CALN1: variants seen among roughly 807,000 people sequenced by gnomAD.
CALN1 encodes calcium-binding protein 8.
CALN1 carries 17 observed loss-of-function variants against 30.6 expected under a neutral mutation model. The ratio of observed to expected loss-of-function variants is 0.56; its 90% CI spans 0.38 to 0.83. The LOEUF (loss-of-function observed/expected upper bound fraction) is 0.83. Ranked by LOEUF, CALN1 falls within the 40% of genes least tolerant of loss-of-function variation. The probability of loss-of-function intolerance (pLI) is 0.00; values close to 1 mark genes in which losing one functional copy is unlikely to be tolerated. For missense variants in CALN1, 291 were observed against 354.9 expected (o/e 0.82, Z 1.45); for synonymous variants, 156 against 131.4 (o/e 1.19, Z -1.28).
chr7:72,234,061 CAA>C (rs1234375668), intron 3 of CALN1, among the ~76,000 whole-genome samples: 6 of 151,838 alleles, frequency 4.0e-5, no homozygotes, highest in African/African-American at 4.8e-5. Flanking sequence ...AAAAGAGAAA[CAA>C]AGAGGAAACA....
the CALN1 span, among the ~76,000 whole-genome samples, chr7:72,487,681 GA>G: frequency 1.7e-5 from 2 of 116,412 alleles, no homozygotes; most frequent in Non-Finnish European, 3.4e-5. Flanking sequence ...GTGAAAGAAA[GA>G]AAGGAAAGAA....
intron 2 of CALN1, among the ~76,000 whole-genome samples, chr7:72,309,452 T>C (rs1056655692): frequency 6.6e-6 from 1 of 152,004 alleles, no homozygotes; most frequent in Non-Finnish European, 1.5e-5. Context: ...CAAGGTCCTG[T>C]GGCCTGGAAA....
chr7:72,445,057 A>C (rs904474421), intron 1 of CALN1, among the ~76,000 whole-genome samples: 1 of 138,852 alleles, frequency 7.2e-6, no homozygotes, highest in Non-Finnish European at 1.5e-5. Context: ...CAGTGAATTA[A>C]ACACACACAC....
At chr7:72,358,190 A>G (rs1190017179) in intron 2 of CALN1, among the ~76,000 whole-genome samples, 8 of 151,924 alleles carry the variant, frequency 5.3e-5, no homozygotes, top group African/African-American at 1.9e-4. Context: ...ACAGTGTCTC[A>G]CTATGTTGCC....
intron 3 of CALN1, among the ~76,000 whole-genome samples, chr7:72,269,679 GCCA>G (rs1796842646): frequency 1.3e-5 from 2 of 152,188 alleles, no homozygotes; most frequent in Non-Finnish European, 2.9e-5. Flanking sequence ...AAGGTGGTCA[GCCA>G]GTAATTGAAT....
chr7:72,460,004 G>A, the CALN1 span, among the ~76,000 whole-genome samples: 5 of 152,182 alleles, frequency 3.3e-5, no homozygotes, highest in African/African-American at 1.2e-4. Context: ...GTCTGCATCT[G>A]GGAAAGCTTC....
At chr7:72,092,278 T>C (rs182631804) in intron 4 of CALN1, among the ~76,000 whole-genome samples, 25 of 152,326 alleles carry the variant, frequency 1.6e-4, no homozygotes, top group Admixed American at 1.4e-3. Flanking sequence ...TTCTCGTTTA[T>C]TGTATTGTAG....
At chr7:72,447,423 C>T (rs1808562816), upstream of CALN1, among the ~76,000 whole-genome samples, 1 of 152,234 alleles carries the variant, frequency 6.6e-6, no homozygotes. Flanking sequence ...GGCTGTGGAC[C>T]CACGCACTGC....
At chr7:72,495,145 C>T in the CALN1 span, among the ~76,000 whole-genome samples, 4 of 152,154 alleles carry the variant, frequency 2.6e-5, no homozygotes, top group South Asian at 2.1e-4. Flanking sequence ...CTGACCATTG[C>T]GTGATGATTC....
intron 2 of CALN1, among the ~76,000 whole-genome samples, chr7:72,310,009 G>C (rs2129556298): frequency 6.6e-6 from 1 of 152,182 alleles, no homozygotes; most frequent in African/African-American, 2.4e-5. Flanking sequence ...GCATCCCCCA[G>C]GGATGCCCCC....
chr7:72,114,362 G>C (rs1807816918), intron 3 of CALN1, among the ~76,000 whole-genome samples: 1 of 149,664 alleles, frequency 6.7e-6, no homozygotes, highest in South Asian at 2.2e-4. Context: ...ATTCAGGAGG[G>C]ACTGCAGGCT....
the CALN1 span, among the ~76,000 whole-genome samples, chr7:72,495,602 C>T: frequency 6.6e-6 from 1 of 152,134 alleles, no homozygotes; most frequent in Non-Finnish European, 1.5e-5. Context: ...CAAAGAAAAC[C>T]CCTCTCTGTT....
chr7:72,456,797 G>A, the CALN1 span, among the ~76,000 whole-genome samples: 2 of 151,986 alleles, frequency 1.3e-5, no homozygotes, highest in African/African-American at 4.8e-5. Flanking sequence ...AGTGAGTCAT[G>A]ACTGTTCCAC....
At chr7:72,396,573 T>G (rs140170606) in intron 2 of CALN1, among the ~76,000 whole-genome samples, 1 of 152,062 alleles carries the variant, frequency 6.6e-6, no homozygotes, top group African/African-American at 2.4e-5. Context: ...GGAAGAGATA[T>G]CTGAGCACAT....
At chr7:71,942,933 C>A (rs1477321363) in intron 5 of CALN1, among the ~76,000 whole-genome samples, 1 of 152,104 alleles carries the variant, frequency 6.6e-6, no homozygotes, top group Non-Finnish European at 1.5e-5. Flanking sequence ...AGAATGTAAC[C>A]GTTTGTGTAT....
intron 5 of CALN1, among the ~76,000 whole-genome samples, chr7:71,967,997 T>A (rs964554973): frequency 2.0e-5 from 3 of 152,208 alleles, no homozygotes; most frequent in Non-Finnish European, 2.9e-5. Flanking sequence ...AAGTTAAACA[T>A]ACATTTCTCA....
chr7:72,010,130 C>G (rs1197908529), intron 5 of CALN1, among the ~76,000 whole-genome samples: 1 of 152,138 alleles, frequency 6.6e-6, no homozygotes, highest in East Asian at 1.9e-4. Flanking sequence ...TGACTGCTGT[C>G]TGTGTTTTCC....
intron 5 of CALN1, among the ~76,000 whole-genome samples, chr7:72,015,886 C>G (rs1338383890): frequency 6.6e-6 from 1 of 152,130 alleles, no homozygotes; most frequent in East Asian, 1.9e-4. Flanking sequence ...TGAAGGCTTG[C>G]TGTCAGTCTA....
chr7:72,308,510 A>G (rs1462399337), intron 2 of CALN1, among the ~76,000 whole-genome samples: 1 of 152,182 alleles, frequency 6.6e-6, no homozygotes, highest in Non-Finnish European at 1.5e-5. Flanking sequence ...TATACAAGGA[A>G]TATTTGAAAA....
Sources: gnomAD v4.1 joint callset for allele counts (sites outside exome capture counted in the v4.1 genomes callset) on GRCh38, gnomAD v4.1.1 for gene constraint, MANE v1.5 for transcripts, NCBI Gene and HGNC (gene_info 2026-07-23, HGNC 2026-07-21) for gene names.